Variants in SNX13 observed in about 807,000 individuals in gnomAD.
The protein encoded by SNX13 is sorting nexin 13.
In SNX13, 45 loss-of-function variants were observed where a neutral mutation model predicts 133.6. That is an observed-to-expected ratio of 0.34 (90% CI 0.27 to 0.43). The LOEUF (loss-of-function observed/expected upper bound fraction) is 0.43, where lower values mean the gene tolerates loss of function less well. Among genes scored for constraint, SNX13 ranks in the 20% least tolerant of loss-of-function variants. The pLI is 1.00. For missense variants in SNX13, 1,032 were observed against 1,145.1 expected, an observed-to-expected ratio of 0.90 and a Z score of 1.43; for synonymous variants, 414 against 373.9, an observed-to-expected ratio of 1.11 and a Z score of -1.24.
At chr7:17,864,412 T>C (rs1166759804) in intron 9 of SNX13, among the ~76,000 whole-genome samples, 2 of 152,094 alleles carry the variant, frequency 1.3e-5, no homozygotes, top group Non-Finnish European at 2.9e-5. Flanking sequence ...ATAGCAGAAT[T>C]GGTCCAGCAA....
In SNX13 at chr7:17,850,937, C is replaced by A; in HGVS notation, c.865G>T (p.Ala289Ser). The A allele has an allele frequency of 1.2e-6, 2 of 1,607,962 alleles. No homozygotes were observed. The highest frequency in any genetic ancestry group is 1.7e-6 in the Non-Finnish European group (2 of 1,178,230). ...CTCAATTTAATAATGTTCATAAAGGCCTCATAGTTGCAGTTAGAATCACGG... is the reference window on the plus strand; with the variant it reads ...CTCAATTTAATAATGTTCATAAAGGACTCATAGTTGCAGTTAGAATCACGG... ...MIRDSNCNYE[A>S]FMNIIKLSDN... Residue 289 changes from alanine (A) to serine (S), a missense_variant, in exon 10 of 26, where the codon GCC becomes TCC. Transcript: ENST00000428135.
At chr7:17,817,376 T>C (rs1372030470) in intron 18 of SNX13, among the ~76,000 whole-genome samples, 16 of 152,320 alleles carry the variant, frequency 1.1e-4, no homozygotes, top group Admixed American at 2.0e-4. Context: ...GTGATACATA[T>C]CCTAAAGCGA....
intron 2 of SNX13, among the ~76,000 whole-genome samples, chr7:17,894,068 C>T (rs1047188778): frequency 8.0e-5 from 12 of 150,658 alleles, no homozygotes; most frequent in Admixed American, 6.6e-4. Context: ...CTTGGGAGGC[C>T]GAGGCAGGTG....
chr7:17,920,987 G>A (rs769280480), intron 1 of SNX13, among the ~76,000 whole-genome samples: 14 of 152,290 alleles, frequency 9.2e-5, no homozygotes, highest in Non-Finnish European at 1.9e-4. Context: ...GGAGTGAGAA[G>A]AACAAATCTG....
intron 15 of SNX13, chr7:17,832,391 C>G: frequency 1.0e-6 from 1 of 984,512 alleles, no homozygotes. Flanking sequence ...TTGCTACTAT[C>G]ACCAGTTTAA....
Position 17,930,983 on chromosome 7 carries a change from G to A in SNX13, c.12+9301C>T, listed in dbSNP as rs183091491. ...AAACCATTCCCCCCAACAGCCGTCC[G>A]TGGAAAAACTGTCTTCCACAAAACC... On this transcript the variant is annotated intron_variant, in intron 1 of 25. Coordinates refer to ENST00000428135, the MANE Select transcript of SNX13 (RefSeq NM_015132.5). 1.1e-4 allele frequency among the ~76,000 whole-genome samples: 17 copies of A among 152,268 alleles called. No homozygotes were observed. In the East Asian group the frequency reaches 1.2e-3, roughly 10 times the overall value.
chr7:17,814,953 A>AAG lies in SNX13; in HGVS notation c.1954-10_1954-9insCT. 3.5e-6 allele frequency: 2 copies of AAG among 573,662 alleles called. No individual in the cohort carries two copies. Among genetic ancestry groups the AAG allele is most frequent in the South Asian group, 3.1e-5 (1 of 31,910 alleles). The allele number at this position is 573,662 out of a possible 1,614,324, so 35.5% of individuals were successfully genotyped here. ...TCAGGAGCTAACAGTAACTAACAAG[A>AAG]AAAAAAAAAAAAAGAAGAGATTATC... On this transcript the variant is annotated splice_polypyrimidine_tract_variant and intron_variant, in intron 19 of 25. Coordinates refer to ENST00000428135, the MANE Select transcript of SNX13 (RefSeq NM_015132.5).
intron 12 of SNX13, among the ~76,000 whole-genome samples, chr7:17,840,469 T>C (rs1181312506): frequency 1.3e-5 from 2 of 152,052 alleles, no homozygotes; most frequent in African/African-American, 2.4e-5. Flanking sequence ...AAAAAGTATA[T>C]ATTAAAATGG....
At chr7:17,858,699 T>C (rs1003472103) in intron 9 of SNX13, among the ~76,000 whole-genome samples, 1 of 152,150 alleles carries the variant, frequency 6.6e-6, no homozygotes, top group African/African-American at 2.4e-5. Context: ...AAGAGACTCA[T>C]ACTGTCCCAT....
chr7:17,927,084 T>A (rs1344007913), intron 1 of SNX13, among the ~76,000 whole-genome samples: 1 of 152,016 alleles, frequency 6.6e-6, no homozygotes, highest in Non-Finnish European at 1.5e-5. Context: ...ATGTCAAATT[T>A]TTTGTTTTAA....
At chr7:17,918,706 G>A (rs1219270584) in intron 1 of SNX13, among the ~76,000 whole-genome samples, 1 of 152,114 alleles carries the variant, frequency 6.6e-6, no homozygotes, top group African/African-American at 2.4e-5. Flanking sequence ...ATTTCTTAAA[G>A]AACTAAAAAT....
intron 13 of SNX13, among the ~76,000 whole-genome samples, chr7:17,836,023 A>G (rs1380779336): frequency 6.6e-6 from 1 of 151,754 alleles, no homozygotes; most frequent in Non-Finnish European, 1.5e-5. Flanking sequence ...AGCTCACTAA[A>G]CTCACTTTCT....
intron 5 of SNX13, chr7:17,888,518 T>C (rs1796263644): frequency 8.4e-6 from 2 of 237,328 alleles, no homozygotes. Flanking sequence ...TAAGAACAAT[T>C]TGATTCTAAC....
chr7:17,938,426 C>G (rs1243256799), intron 1 of SNX13, among the ~76,000 whole-genome samples: 9 of 152,138 alleles, frequency 5.9e-5, no homozygotes, highest in Non-Finnish European at 1.3e-4. Context: ...AATCTATAAA[C>G]GACTACTGAA....
At chr7:17,847,508 T>C (rs1292089086) in intron 11 of SNX13, among the ~76,000 whole-genome samples, 1 of 152,148 alleles carries the variant, frequency 6.6e-6, no homozygotes, top group African/African-American at 2.4e-5. Context: ...AAATAATTCT[T>C]CTATTCCTTA....
chr7:17,940,060 G>T (rs1583875905), intron 1 of SNX13, among the ~76,000 whole-genome samples: 1 of 152,200 alleles, frequency 6.6e-6, no homozygotes, highest in South Asian at 2.1e-4. Flanking sequence ...GTGGCAAGTG[G>T]CAACTGCGAA....
At chr7:17,884,999 T>C (rs1300824569) in intron 5 of SNX13, among the ~76,000 whole-genome samples, 2 of 152,198 alleles carry the variant, frequency 1.3e-5, no homozygotes, top group Non-Finnish European at 2.9e-5. Flanking sequence ...TTCCTAGGTA[T>C]ATATCCAAGA....
At chr7:17,819,923 A>C (rs1265067882) in intron 18 of SNX13, among the ~76,000 whole-genome samples, 1 of 152,074 alleles carries the variant, frequency 6.6e-6, no homozygotes, top group Non-Finnish European at 1.5e-5. Context: ...ACAAACACAC[A>C]AAAGGAAACA....
At chr7:17,870,171 A>C (rs1025556612) in intron 8 of SNX13, among the ~76,000 whole-genome samples, 1 of 152,172 alleles carries the variant, frequency 6.6e-6, no homozygotes, top group Non-Finnish European at 1.5e-5. Flanking sequence ...TTTGTCAAAC[A>C]TGGGGCCTAA....
Sources: gnomAD v4.1 joint callset for allele counts (sites outside exome capture counted in the v4.1 genomes callset) on GRCh38, gnomAD v4.1.1 for gene constraint, MANE v1.5 for transcripts, NCBI Gene and HGNC (gene_info 2026-07-23, HGNC 2026-07-21) for gene names.